The following BIRC2 variants were observed in gnomAD, a reference collection of about 807,000 sequenced individuals.
BIRC2 encodes baculoviral IAP repeat-containing protein 2.
BIRC2 carries 18 observed loss-of-function variants against 60.9 expected under a neutral mutation model. That is an observed-to-expected ratio of 0.30 (90% CI 0.20 to 0.44). The LOEUF (loss-of-function observed/expected upper bound fraction) is 0.44. BIRC2 is among the 20% of genes least tolerant of loss of function. BIRC2 has a pLI of 1.00. For synonymous variants in BIRC2, 282 were observed against 247.7 expected, an observed-to-expected ratio of 1.14 and a Z score of -1.30; for missense variants, 701 against 728.5, an observed-to-expected ratio of 0.96 and a Z score of 0.43.
intron 6 of BIRC2, among the ~76,000 whole-genome samples, chr11:102,373,306 C>T (rs1019601722): frequency 1.2e-4 from 18 of 152,232 alleles, no homozygotes; most frequent in African/African-American, 1.7e-4. Context: ...CTGCTGGTAC[C>T]GGTTGTTCCT....
intron 3 of BIRC2, among the ~76,000 whole-genome samples, chr11:102,357,990 C>T (rs1951442862): frequency 6.6e-6 from 1 of 151,740 alleles, no homozygotes; most frequent in East Asian, 1.9e-4. Context: ...CTTCTTTGAC[C>T]CATTGATTAT....
Position 102,377,487 on chromosome 11 carries a change from T to G in BIRC2, c.1367-9T>G. On this transcript the variant is annotated splice_polypyrimidine_tract_variant and intron_variant, in intron 6 of 8. Transcript: ENST00000227758. ...ATCTAATGGATTTCTTTTTCTTTTT[T>G]TAATGAAGATGATTTGTCATTAATT... is the stretch of plus-strand genomic sequence containing the variant. The G allele has an allele frequency of 6.3e-7, 1 of 1,579,812 alleles. No homozygotes were observed. Among genetic ancestry groups the G allele is most frequent in the Non-Finnish European group, 8.5e-7 (1 of 1,172,010 alleles).
At chr11:102,351,633 A>AG (rs1400677088) in intron 3 of BIRC2, among the ~76,000 whole-genome samples, 11 of 150,332 alleles carry the variant, frequency 7.3e-5, no homozygotes, top group Non-Finnish European at 1.3e-4. Flanking sequence ...AAAAAAAAAA[A>AG]AAAAGAAAAA....
intron 3 of BIRC2, among the ~76,000 whole-genome samples, chr11:102,351,215 CAT>C (rs1165752472): frequency 6.6e-6 from 1 of 151,918 alleles, no homozygotes; most frequent in Non-Finnish European, 1.5e-5. Flanking sequence ...ATTACAAAGA[CAT>C]ATAAAATAGA....
At chr11:102,375,964 T>C (rs565038405) in intron 6 of BIRC2, among the ~76,000 whole-genome samples, 8 of 151,974 alleles carry the variant, frequency 5.3e-5, no homozygotes, top group African/African-American at 1.9e-4. Context: ...ACGTCAATTT[T>C]TTTTTTTTTT....
At chr11:102,366,618 C>G (rs993348213) in intron 5 of BIRC2, among the ~76,000 whole-genome samples, 1 of 152,116 alleles carries the variant, frequency 6.6e-6, no homozygotes, top group African/African-American at 2.4e-5. Flanking sequence ...GATCCGCCCG[C>G]CTTGGCTCCC....
intron 5 of BIRC2, among the ~76,000 whole-genome samples, chr11:102,364,174 T>TATATATATACACACACACACACAC (rs1389968594): frequency 7.7e-5 from 6 of 78,112 alleles, no homozygotes; most frequent in African/African-American, 3.4e-4. Context: ...TATATATATA[T>TATATATATACACACACACACACAC]ACACACACAC....
At chr11:102,369,592 C>CTAA (rs1250321946) in intron 6 of BIRC2, among the ~76,000 whole-genome samples, 1 of 144,884 alleles carries the variant, frequency 6.9e-6, no homozygotes, top group Admixed American at 6.9e-5. Context: ...GGTTCCAAGT[C>CTAA]TTTGCTATTG....
chr11:102,348,655 C>A lies in BIRC2; in HGVS notation c.-1200C>A. 2.9e-6 allele frequency: 1 copy of A among 349,354 alleles called. No homozygotes were observed. Among genetic ancestry groups the A allele is most frequent in the Non-Finnish European group, 5.6e-6 (1 of 180,094 alleles). The allele number at this position is 349,354 out of a possible 1,614,324, so 21.6% of individuals were successfully genotyped here. ...TTTTGTCCCCCTGCAGTAATAAATC[C>A]CATTATGGAGATCTCGAAACTTTAT... On this transcript the variant is annotated 5_prime_UTR_variant, in exon 2 of 9. Coordinates refer to ENST00000227758, the MANE Select transcript of BIRC2 (RefSeq NM_001166.5).
In BIRC2 at chr11:102,377,609, G is replaced by C; in HGVS notation, c.1480G>C (p.Asp494His). The part of the protein sequence containing the change: ...KANVINKQEH[D>H]IIKQKTQIPL... ...CAATGTAATTAATAAACAGGAACAT[G>C]ATATTATTAAACAAAAAACACAGAT... is the stretch of plus-strand genomic sequence containing the variant. Residue 494 changes from aspartate (D) to histidine (H), a missense_variant, in exon 7 of 9, where the codon GAT becomes CAT. Asp to His is a moderately conservative substitution (Grantham distance 81, BLOSUM62 -1). This residue lies in a region of BIRC2 where 235 missense variants were observed against 208.9 expected (regional missense o/e 1.12). Coordinates refer to ENST00000227758, the MANE Select transcript of BIRC2 (RefSeq NM_001166.5). 6.2e-7 allele frequency: 1 copy of C among 1,611,822 alleles called. No individual in the cohort carries two copies. The highest frequency in any genetic ancestry group is 1.1e-5 in the South Asian group (1 of 90,580).
At chr11:102,356,499 T>G (rs1337646237) in intron 3 of BIRC2, among the ~76,000 whole-genome samples, 1 of 151,862 alleles carries the variant, frequency 6.6e-6, no homozygotes, top group African/African-American at 2.4e-5. Context: ...CCCGGCCAGC[T>G]TTCAGGTTTT....
intron 3 of BIRC2, among the ~76,000 whole-genome samples, chr11:102,361,069 T>A (rs1951479808): frequency 6.6e-6 from 1 of 152,108 alleles, no homozygotes; most frequent in Admixed American, 6.5e-5. Flanking sequence ...GCCAAGGGGA[T>A]TCTTCTTGGC....
rs1303563440 is a variant in BIRC2, at chr11:102,349,662, C to G, written c.-193C>G. ...TACTACAACCCCAAAGAGTTGTGTTCTAAGTAGTATCTTGGTAATTCAGAG... is the reference window on the plus strand; with the variant it reads ...TACTACAACCCCAAAGAGTTGTGTTGTAAGTAGTATCTTGGTAATTCAGAG... On this transcript the variant is annotated 5_prime_UTR_variant, in exon 2 of 9. Coordinates refer to ENST00000227758, the MANE Select transcript of BIRC2 (RefSeq NM_001166.5). 2 of 575,948 alleles carry G rather than the reference C, an allele frequency of 3.5e-6. No homozygotes were observed. Among genetic ancestry groups the G allele is most frequent in the Admixed American group, 6.7e-5 (2 of 29,944 alleles). The allele number at this position is 575,948 out of a possible 1,614,324, so 35.7% of individuals were successfully genotyped here.
intron 3 of BIRC2, among the ~76,000 whole-genome samples, chr11:102,360,476 A>G (rs1249005438): frequency 1.3e-5 from 2 of 149,748 alleles, no homozygotes; most frequent in East Asian, 4.0e-4. Context: ...TCAGCTCCCG[A>G]ATTTGTTTCT....
Position 102,364,139 on chromosome 11 carries a change from T to TTATATATATATATATATATATA in BIRC2, c.1123+438_1123+459dup, listed in dbSNP as rs371707721. 7.3e-4 allele frequency among the ~76,000 whole-genome samples: 45 copies of TTATATATATATATATATATATA among 61,386 alleles called. 2 individuals are homozygous for TTATATATATATATATATATATA. Among genetic ancestry groups the TTATATATATATATATATATATA allele is most frequent in the South Asian group, 2.6e-3 (4 of 1,532 alleles). 40.3% of individuals were successfully genotyped at this position (61,386 alleles called of 152,430 possible). ...ATACTGGGAAGTCAGCTAATAAATATTATATATATATATATATATATATAT... is the reference window on the plus strand; with the variant it reads ...ATACTGGGAAGTCAGCTAATAAATATTATATATATATATATATATATATATATATATATATATATATATATAT... On this transcript the variant is annotated intron_variant, in intron 5 of 8. Transcript: ENST00000227758.
In BIRC2 at chr11:102,349,789, A is replaced by G. The variant is rs1171892618; in HGVS notation, c.-66A>G. ...TCATTGATTTCTTTTTGTGGTAAAA[A>G]TCTTAGTTCATGTGAAGAAATTTCA... On this transcript the variant is annotated 5_prime_UTR_variant, in exon 2 of 9. Coordinates refer to ENST00000227758, the MANE Select transcript of BIRC2 (RefSeq NM_001166.5). 4.8e-6 allele frequency: 7 copies of G among 1,461,666 alleles called. No homozygotes were observed. The highest frequency in any genetic ancestry group is 6.5e-6 in the Non-Finnish European group (7 of 1,084,790). The allele number at this position is 1,461,666 out of a possible 1,614,324, so 90.5% of individuals were successfully genotyped here.
chr11:102,364,949 A>C (rs1196025486), intron 5 of BIRC2, among the ~76,000 whole-genome samples: 2 of 152,146 alleles, frequency 1.3e-5, no homozygotes. Flanking sequence ...GTCCTAATAA[A>C]ATCACTTTGT....
chr11:102,370,081 G>T (rs1438958624), intron 6 of BIRC2, among the ~76,000 whole-genome samples: 5 of 151,668 alleles, frequency 3.3e-5, no homozygotes, highest in African/African-American at 1.2e-4. Flanking sequence ...TGTCAGATGA[G>T]TAGGTTGCGA....
In BIRC2 at chr11:102,377,751, G is replaced by T. The variant is rs201416556; in HGVS notation, c.1621+1G>T. 215 of 1,595,138 alleles carry T rather than the reference G, an allele frequency of 1.3e-4. No individual in the cohort carries two copies. The highest frequency in any genetic ancestry group is 1.2e-4 in the Non-Finnish European group (145 of 1,175,982). On this transcript the variant is annotated splice_donor_variant, in intron 7 of 8. Transcript: ENST00000227758. LOFTEE classifies it high-confidence loss of function. ...TCTACATTGTATAAGAACTTATTTG[G>T]TGAGTTTGTTGGGAAAATTATTTTA...
Sources: gnomAD v4.1 joint callset for allele counts (sites outside exome capture counted in the v4.1 genomes callset) on GRCh38, gnomAD v4.1.1 for gene constraint, gnomAD v4.1.1 regional missense constraint, MANE v1.5 for transcripts, NCBI Gene and HGNC (gene_info 2026-07-23, HGNC 2026-07-21) for gene names.